The following FBXL17 variants were observed in gnomAD, a reference collection of about 807,000 sequenced individuals.
FBXL17 encodes the protein F-box and leucine rich repeat protein 17.
Under a neutral mutation model 66.2 loss-of-function variants are expected in FBXL17, and 22 were observed. The observed-to-expected ratio is 0.33, with a 90% CI of 0.24 to 0.47. The LOEUF is 0.47. FBXL17 is among the 20% of genes least tolerant of loss of function. The pLI is 1.00. For missense variants in FBXL17, 878 were observed against 948.2 expected (o/e 0.93, Z 0.97); for synonymous variants, 474 against 400.5 (o/e 1.18, Z -2.19).
intron 6 of FBXL17, among the ~76,000 whole-genome samples, chr5:108,124,867 G>C (rs1441800786): frequency 6.6e-6 from 1 of 152,042 alleles, no homozygotes; most frequent in Admixed American, 6.6e-5. Flanking sequence ...TATTCTGCTT[G>C]CTGACATAGT....
chr5:107,886,361 C>A (rs967274065), intron 7 of FBXL17, among the ~76,000 whole-genome samples: 1 of 152,096 alleles, frequency 6.6e-6, no homozygotes, highest in East Asian at 1.9e-4. Flanking sequence ...GTTTAGTATA[C>A]ATACATCTAT....
At chr5:108,009,425 T>C (rs529048370) in intron 7 of FBXL17, among the ~76,000 whole-genome samples, 112 of 151,004 alleles carry the variant, frequency 7.4e-4, no homozygotes, top group African/African-American at 2.6e-3. Context: ...TTTTAGTTTT[T>C]TAAAATCTTT....
chr5:108,233,232 G>A lies in FBXL17; in HGVS notation c.1507-9004C>T, dbSNP rs186447677. 2.8e-4 allele frequency among the ~76,000 whole-genome samples: 43 copies of A among 151,950 alleles called. No homozygotes were observed. In the South Asian group the frequency reaches 7.1e-3, roughly 25 times the overall value. On this transcript the variant is annotated intron_variant, in intron 4 of 8. Coordinates refer to ENST00000542267, the MANE Select transcript of FBXL17 (RefSeq NM_001163315.3). ...TTTAATTTTCTTAATGGTGTTCTTA[G>A]CTCTGACATTTAGGTCTATGATGTT...
chr5:107,974,311 A>C (rs1246660460), intron 7 of FBXL17, among the ~76,000 whole-genome samples: 2 of 152,292 alleles, frequency 1.3e-5, no homozygotes, highest in African/African-American at 4.8e-5. Context: ...AGTAAAAAAT[A>C]ACTTTATTGT....
intron 5 of FBXL17, among the ~76,000 whole-genome samples, chr5:108,214,158 A>G (rs1020574887): frequency 7.9e-5 from 12 of 152,152 alleles, no homozygotes; most frequent in Non-Finnish European, 1.8e-4. Context: ...TATTGTGCCT[A>G]GTTGATGAAT....
At chr5:107,927,058 T>A (rs1750546676) in intron 7 of FBXL17, among the ~76,000 whole-genome samples, 1 of 152,076 alleles carries the variant, frequency 6.6e-6, no homozygotes, top group African/African-American at 2.4e-5. Flanking sequence ...TAAAGCTATA[T>A]ACAGAACAGG....
At chr5:108,181,759 C>G (rs1753011582) in intron 6 of FBXL17, among the ~76,000 whole-genome samples, 1 of 151,890 alleles carries the variant, frequency 6.6e-6, no homozygotes, top group South Asian at 2.1e-4. Context: ...ATTATACTTT[C>G]AATATGAGAG....
chr5:108,146,187 G>T (rs929420045), intron 6 of FBXL17, among the ~76,000 whole-genome samples: 1 of 150,824 alleles, frequency 6.6e-6, no homozygotes, highest in Non-Finnish European at 1.5e-5. Flanking sequence ...AGCCGAGATG[G>T]CACCACTGCA....
chr5:108,096,971 T>G (rs527441400), intron 6 of FBXL17, among the ~76,000 whole-genome samples: 1 of 152,166 alleles, frequency 6.6e-6, no homozygotes, highest in Non-Finnish European at 1.5e-5. Context: ...ATGGGCCTAG[T>G]AGAACTAAGG....
At chr5:108,198,801 T>C (rs1465564307) in intron 5 of FBXL17, among the ~76,000 whole-genome samples, 1 of 152,184 alleles carries the variant, frequency 6.6e-6, no homozygotes, top group Admixed American at 6.6e-5. Flanking sequence ...TGGAAGTGAA[T>C]GAGCTAAAAT....
At chr5:108,209,625 T>C (rs1048037394) in intron 5 of FBXL17, among the ~76,000 whole-genome samples, 8 of 152,212 alleles carry the variant, frequency 5.3e-5, no homozygotes, top group Admixed American at 6.5e-5. Flanking sequence ...TTGATTTTCT[T>C]ATGTTGAACC....
chr5:107,875,322 T>C (rs1748587939), intron 8 of FBXL17, among the ~76,000 whole-genome samples: 1 of 152,218 alleles, frequency 6.6e-6, no homozygotes, highest in Admixed American at 6.5e-5. Context: ...TTCCAGTTAG[T>C]TCTGTACATT....
At chr5:108,171,666 G>A (rs1247511174) in intron 6 of FBXL17, among the ~76,000 whole-genome samples, 1 of 152,162 alleles carries the variant, frequency 6.6e-6, no homozygotes, top group Admixed American at 6.5e-5. Flanking sequence ...ACAACTCTGT[G>A]GACTGGCTAT....
intron 7 of FBXL17, among the ~76,000 whole-genome samples, chr5:107,953,912 C>T (rs1250925972): frequency 1.3e-5 from 2 of 152,156 alleles, no homozygotes; most frequent in Non-Finnish European, 2.9e-5. Context: ...TTGATTGAAT[C>T]CACCAATTAT....
intron 6 of FBXL17, among the ~76,000 whole-genome samples, chr5:108,168,237 A>C (rs1032969047): frequency 6.6e-6 from 1 of 152,178 alleles, no homozygotes; most frequent in African/African-American, 2.4e-5. Context: ...CACTTATATA[A>C]ATACTTAAAG....
chr5:108,196,838 A>G (rs1329244584), intron 5 of FBXL17, among the ~76,000 whole-genome samples: 1 of 152,212 alleles, frequency 6.6e-6, no homozygotes, highest in Admixed American at 6.5e-5. Flanking sequence ...CAGAACAAGA[A>G]GCATAATGAG....
At chr5:107,894,277 C>T (rs893295952) in intron 7 of FBXL17, among the ~76,000 whole-genome samples, 4 of 152,152 alleles carry the variant, frequency 2.6e-5, no homozygotes, top group Admixed American at 1.3e-4. Context: ...TGTCATGAGA[C>T]AGGGAAGAAG....
intron 7 of FBXL17, among the ~76,000 whole-genome samples, chr5:107,974,429 A>G (rs1323519113): frequency 6.6e-6 from 1 of 152,160 alleles, no homozygotes. Flanking sequence ...TAATACTTAT[A>G]AAGACTTTTT....
chr5:108,107,359 C>G (rs1372742818), intron 6 of FBXL17, among the ~76,000 whole-genome samples: 6 of 152,168 alleles, frequency 3.9e-5, no homozygotes, highest in African/African-American at 2.4e-5. Context: ...ATTTTAAATA[C>G]AACTACGAAA....
Sources: gnomAD v4.1 joint callset for allele counts (sites outside exome capture counted in the v4.1 genomes callset) on GRCh38, gnomAD v4.1.1 for gene constraint, MANE v1.5 for transcripts, NCBI Gene and HGNC (gene_info 2026-07-23, HGNC 2026-07-21) for gene names.